CKAP2L: variants seen among roughly 807,000 people sequenced by gnomAD.
CKAP2L encodes the protein cytoskeleton associated protein 2L, also known as cytoskeleton-associated protein 2-like.
Under a neutral mutation model 65.7 loss-of-function variants are expected in CKAP2L, and 42 were observed. The ratio of observed to expected loss-of-function variants is 0.64; its 90% CI spans 0.50 to 0.83. The LOEUF is 0.83. Among genes scored for constraint, CKAP2L ranks in the 40% least tolerant of loss-of-function variants. CKAP2L has a pLI of 0.00. For synonymous variants in CKAP2L, 325 were observed against 313.5 expected (o/e 1.04, Z -0.39); for missense variants, 908 against 871.0 (o/e 1.04, Z -0.53).
intron 3 of CKAP2L, among the ~76,000 whole-genome samples, chr2:112,757,587 AC>A (rs2104886456): frequency 6.6e-6 from 1 of 152,084 alleles, no homozygotes; most frequent in South Asian, 2.1e-4. Flanking sequence ...TTGGGGTTTC[AC>A]CATATTGGCC....
At position 112,738,758 on chromosome 2, in the gene CKAP2L, G is replaced by A. The variant is rs1679585185; in HGVS notation, c.*65C>T. ...GCCTCTCTTTTTTTCCAGGTCACTT[G>A]GACAAGAATATTTCTTGTCTTATGT... On this transcript the variant is annotated 3_prime_UTR_variant, in exon 9 of 9. Coordinates refer to ENST00000302450, the MANE Select transcript of CKAP2L (RefSeq NM_152515.5). The A allele has an allele frequency of 1.8e-6, 2 of 1,104,126 alleles. No homozygotes were observed. Among genetic ancestry groups the A allele is most frequent in the Non-Finnish European group, 1.4e-6 (1 of 734,300 alleles). 68.4% of individuals were successfully genotyped at this position (1,104,126 alleles called of 1,614,324 possible). A position where few individuals can be genotyped will look rare whatever the true frequency, so the allele number is the denominator to read the frequency against.
At chr2:112,762,396 G>T in intron 2 of CKAP2L, 107 bp downstream of exon 2, 1 of 799,236 alleles carries the variant, frequency 1.3e-6, no homozygotes. Context: ...GAATCCCAGT[G>T]CAGTCTGAGT....
intron 3 of CKAP2L, among the ~76,000 whole-genome samples, chr2:112,758,628 C>T (rs1021541313): frequency 6.6e-5 from 10 of 152,192 alleles, no homozygotes; most frequent in African/African-American, 2.2e-4. Flanking sequence ...CATTTATATA[C>T]ACCTCGGATC....
chr2:112,748,727 G>A (rs1281992694), intron 5 of CKAP2L, among the ~76,000 whole-genome samples: 4 of 152,038 alleles, frequency 2.6e-5, no homozygotes, highest in Non-Finnish European at 5.9e-5. Context: ...TGGGTGTAGT[G>A]GTGTGTACCT....
chr2:112,754,527 C>T (rs1427495592), intron 4 of CKAP2L, among the ~76,000 whole-genome samples: 2 of 152,178 alleles, frequency 1.3e-5, no homozygotes, highest in African/African-American at 2.4e-5. Flanking sequence ...CTCCTAGGAC[C>T]TCGATGCCAT....
rs1409855934 is a variant in CKAP2L, at chr2:112,756,011, T to C, written c.1360A>G (p.Asn454Asp). Reference protein sequence around the residue: ...TTVNGTQTNPNIKKKATAEDR... With the variant: ...TTVNGTQTNPDIKKKATAEDR... ...TCTGCTGTTGCCTTCTTTTTAATAT[T>C]TGGGTTTGTTTGGGTCCCATTTACG... is the stretch of plus-strand genomic sequence containing the variant. Residue 454 changes from asparagine (N) to aspartate (D), a missense_variant, in exon 4 of 9, where the codon AAT becomes GAT. Coordinates refer to ENST00000302450, the MANE Select transcript of CKAP2L (RefSeq NM_152515.5). 2.5e-6 allele frequency: 4 copies of C among 1,594,232 alleles called. No individual in the cohort carries two copies. Among genetic ancestry groups the C allele is most frequent in the Non-Finnish European group, 1.7e-6 (2 of 1,173,040 alleles).
chr2:112,747,509 G>A (rs1026640623), intron 5 of CKAP2L, among the ~76,000 whole-genome samples: 1 of 152,184 alleles, frequency 6.6e-6, no homozygotes, highest in African/African-American at 2.4e-5. Context: ...ATGTGTAAGT[G>A]TCAGGGATTT....
chr2:112,759,221 CAA>C (rs1680636393), intron 3 of CKAP2L, among the ~76,000 whole-genome samples: 1 of 141,588 alleles, frequency 7.1e-6, no homozygotes, highest in South Asian at 2.3e-4. Context: ...GCCTGTTGGT[CAA>C]AGAGTACTGC....
intron 4 of CKAP2L, among the ~76,000 whole-genome samples, chr2:112,753,533 T>TTC (rs1558760261): frequency 7.1e-6 from 1 of 141,152 alleles, no homozygotes; most frequent in Non-Finnish European, 1.5e-5. Context: ...TTTCTTTTTT[T>TTC]TTTTTTTTTT....
rs941448297 is a variant in CKAP2L, at chr2:112,757,281, CTG to C, written c.157-69_157-68del. On this transcript the variant is annotated intron_variant, in intron 3 of 8. Coordinates refer to ENST00000302450, the MANE Select transcript of CKAP2L (RefSeq NM_152515.5). ...TATCTTATTGTTTTTAAAATAATAA[CTG>C]TGTTTAACACATGCTAAAAAAAATA... 3.7e-6 allele frequency: 4 copies of C among 1,088,818 alleles called. No individual in the cohort carries two copies. The African/African-American group carries it at 5.2e-5, about 14-fold the overall frequency. 67.4% of individuals were successfully genotyped at this position (1,088,818 alleles called of 1,614,324 possible).
chr2:112,747,958 G>A (rs1417216848), intron 5 of CKAP2L, among the ~76,000 whole-genome samples: 1 of 152,212 alleles, frequency 6.6e-6, no homozygotes, highest in African/African-American at 2.4e-5. Context: ...CAGCGCTGAA[G>A]AATACATCTG....
At chr2:112,762,001 G>A (rs940882027) in intron 2 of CKAP2L, among the ~76,000 whole-genome samples, 4 of 152,146 alleles carry the variant, frequency 2.6e-5, no homozygotes, top group Non-Finnish European at 4.4e-5. Context: ...CGACAAAGAT[G>A]GTAAGAATCT....
intron 1 of CKAP2L, chr2:112,764,147 C>T (rs1016922437): frequency 3.0e-5 from 7 of 230,676 alleles, no homozygotes; most frequent in South Asian, 3.0e-4. Flanking sequence ...AGGCAGGAGA[C>T]CCGGGCTTCG....
chr2:112,748,564 A>G (rs767898311), intron 5 of CKAP2L, among the ~76,000 whole-genome samples: 13 of 152,236 alleles, frequency 8.5e-5, no homozygotes, highest in Non-Finnish European at 1.9e-4. Flanking sequence ...ACTTGAAATA[A>G]AAGTAACTGC....
intron 3 of CKAP2L, among the ~76,000 whole-genome samples, chr2:112,758,704 T>TA (rs1324625553): frequency 6.6e-6 from 1 of 152,236 alleles, no homozygotes; most frequent in Non-Finnish European, 1.5e-5. Context: ...TGTGTTTTTT[T>TA]AGTTGCTTTC....
chr2:112,759,766 A>ACATATG (rs1055815893), intron 3 of CKAP2L, among the ~76,000 whole-genome samples: 1 of 152,202 alleles, frequency 6.6e-6, no homozygotes, highest in South Asian at 2.1e-4. Flanking sequence ...ATATATGTCT[A>ACATATG]CATATGCATA....
At chr2:112,749,947 C>T (rs1185830593) in intron 5 of CKAP2L, among the ~76,000 whole-genome samples, 1 of 152,174 alleles carries the variant, frequency 6.6e-6, no homozygotes, top group East Asian at 1.9e-4. Flanking sequence ...CTGGCAGTAA[C>T]AGTTGGTTCT....
intron 6 of CKAP2L, among the ~76,000 whole-genome samples, chr2:112,743,870 G>A (rs949006951): frequency 6.6e-6 from 1 of 152,102 alleles, no homozygotes; most frequent in Non-Finnish European, 1.5e-5. Context: ...ATCTGAGATA[G>A]GCTTTATTTT....
At position 112,756,112 on chromosome 2, in the gene CKAP2L, G is replaced by C. The variant is rs1211548653; in HGVS notation, c.1259C>G (p.Ser420Cys). 1.9e-6 allele frequency: 3 copies of C among 1,613,960 alleles called. No individual in the cohort carries two copies. The highest frequency in any genetic ancestry group is 1.3e-5 in the African/African-American group (1 of 74,892). The stretch of plus-strand genomic sequence containing the variant: ...CTGGGGAACAGCCTTTTTCAACTTG[G>C]AGTCCAAAGTCTGTGCTTTTTGCTG... ...GFQQKAQTLD[S>C]KLKKAVPQNH... Residue 420 changes from serine (S) to cysteine (C), a missense_variant, in exon 4 of 9, where the codon TCC becomes TGC. By Grantham distance (112) the Ser-to-Cys change is moderately radical. Coordinates refer to ENST00000302450, the MANE Select transcript of CKAP2L (RefSeq NM_152515.5).
Sources: allele counts gnomAD v4.1 joint callset (sites outside exome capture counted in the v4.1 genomes callset), GRCh38; gene constraint gnomAD v4.1.1; transcripts MANE v1.5; gene names NCBI Gene and HGNC (gene_info 2026-07-23, HGNC 2026-07-21).